The following TMEM132D variants were observed in gnomAD, a reference collection of about 807,000 sequenced individuals.
TMEM132D encodes mature OL transmembrane protein.
A neutral mutation model predicts 62.3 loss-of-function variants in TMEM132D; 21 were observed. That is an observed-to-expected ratio of 0.34 (90% CI 0.24 to 0.49). The LOEUF is 0.49. TMEM132D is among the 20% of genes least tolerant of loss of function. TMEM132D has a pLI of 0.99. For missense variants in TMEM132D, 1,346 were observed against 1,402.8 expected, an observed-to-expected ratio of 0.96 and a Z score of 0.65; for synonymous variants, 621 against 575.6, an observed-to-expected ratio of 1.08 and a Z score of -1.13.
At chr12:129,518,108 A>G (rs1875736267) in intron 3 of TMEM132D, among the ~76,000 whole-genome samples, 1 of 152,226 alleles carries the variant, frequency 6.6e-6, no homozygotes, top group South Asian at 2.1e-4. Context: ...AGGAGGATAA[A>G]CAATTTCATT....
chr12:129,450,750 CTTTTTTTTTT>C (rs869041495), intron 3 of TMEM132D, among the ~76,000 whole-genome samples: 7 of 102,590 alleles, frequency 6.8e-5, no homozygotes, highest in African/African-American at 2.7e-4. Flanking sequence ...TCCATCGCTT[CTTTTTTTTTT>C]TTTTTTTTTT....
chr12:129,376,847 G>A (rs1870795293), intron 3 of TMEM132D, among the ~76,000 whole-genome samples: 1 of 152,200 alleles, frequency 6.6e-6, no homozygotes, highest in South Asian at 2.1e-4. Context: ...CAGAACTTAA[G>A]TTCAACCAGT....
intron 2 of TMEM132D, among the ~76,000 whole-genome samples, chr12:129,544,748 C>T (rs1030827991): frequency 7.9e-5 from 12 of 152,152 alleles, no homozygotes; most frequent in Non-Finnish European, 1.8e-4. Context: ...AAAATAAAAA[C>T]TCACAGAAGA....
At chr12:129,102,291 A>C (rs1381336701) in intron 5 of TMEM132D, among the ~76,000 whole-genome samples, 1 of 152,138 alleles carries the variant, frequency 6.6e-6, no homozygotes, top group African/African-American at 2.4e-5. Flanking sequence ...CTTACCTTTA[A>C]TCACACACAT....
intron 4 of TMEM132D, among the ~76,000 whole-genome samples, chr12:129,288,625 G>T (rs570550621): frequency 6.6e-6 from 1 of 152,320 alleles, no homozygotes; most frequent in South Asian, 2.1e-4. Flanking sequence ...AGCATGTGGA[G>T]AAATTTGATC....
At chr12:129,704,083 G>T (rs1033619336) in intron 1 of TMEM132D, among the ~76,000 whole-genome samples, 3 of 152,168 alleles carry the variant, frequency 2.0e-5, no homozygotes, top group African/African-American at 7.2e-5. Context: ...ATTATGTTTT[G>T]ATTTCCAATA....
intron 4 of TMEM132D, among the ~76,000 whole-genome samples, chr12:129,230,314 G>GC (rs386378223): frequency 4.0e-5 from 6 of 149,560 alleles, no homozygotes; most frequent in African/African-American, 1.5e-4. Flanking sequence ...TGGAGGGGGG[G>GC]GGCTCCCCAG....
At chr12:129,246,012 G>A (rs921388956) in intron 4 of TMEM132D, among the ~76,000 whole-genome samples, 2 of 152,250 alleles carry the variant, frequency 1.3e-5, no homozygotes, top group Non-Finnish European at 2.9e-5. Context: ...ACTAGAAGAC[G>A]TAGTTGCGTG....
intron 1 of TMEM132D, among the ~76,000 whole-genome samples, chr12:129,778,623 A>G (rs1871024952): frequency 6.6e-6 from 1 of 152,222 alleles, no homozygotes; most frequent in Non-Finnish European, 1.5e-5. Flanking sequence ...ATTTTAGACA[A>G]TCTGATACTT....
chr12:129,690,749 G>C (rs1280418540), intron 2 of TMEM132D, among the ~76,000 whole-genome samples: 1 of 152,074 alleles, frequency 6.6e-6, no homozygotes, highest in Non-Finnish European at 1.5e-5. Flanking sequence ...TATTATAGTT[G>C]GGAACTTAGC....
chr12:129,673,562 TTCTCCTAG>T (rs1352129817), intron 2 of TMEM132D, among the ~76,000 whole-genome samples: 12 of 152,184 alleles, frequency 7.9e-5, no homozygotes, highest in Admixed American at 5.9e-4. Flanking sequence ...CTAGCCCCCA[TTCTCCTAG>T]TCTTCTCGTG....
At chr12:129,476,186 T>C (rs1320783458) in intron 3 of TMEM132D, among the ~76,000 whole-genome samples, 1 of 152,180 alleles carries the variant, frequency 6.6e-6, no homozygotes. Context: ...CTCCGCCATG[T>C]TAATAAAATA....
intron 4 of TMEM132D, among the ~76,000 whole-genome samples, chr12:129,228,814 C>T: frequency 6.6e-6 from 1 of 152,200 alleles, no homozygotes; most frequent in South Asian, 2.1e-4. Context: ...CCAAGGACCG[C>T]ATCCCGCCCA....
intron 7 of TMEM132D, among the ~76,000 whole-genome samples, chr12:129,080,688 A>C (rs959696719): frequency 6.6e-6 from 1 of 152,164 alleles, no homozygotes; most frequent in African/African-American, 2.4e-5. Flanking sequence ...CTTTGGCTAC[A>C]ATGTACACTA....
intron 5 of TMEM132D, among the ~76,000 whole-genome samples, chr12:129,123,813 A>G (rs1363110560): frequency 6.6e-6 from 1 of 152,054 alleles, no homozygotes; most frequent in Non-Finnish European, 1.5e-5. Flanking sequence ...CTCTCCTTTT[A>G]CTGGGAAATC....
intron 1 of TMEM132D, among the ~76,000 whole-genome samples, chr12:129,817,245 C>T (rs1051548369): frequency 1.3e-5 from 2 of 152,198 alleles, no homozygotes; most frequent in East Asian, 1.9e-4. Flanking sequence ...GCCTGCTCAG[C>T]GTCAGACACA....
chr12:129,098,998 G>A (rs1191831080), intron 5 of TMEM132D, among the ~76,000 whole-genome samples: 1 of 152,146 alleles, frequency 6.6e-6, no homozygotes, highest in African/African-American at 2.4e-5. Flanking sequence ...GGCCTCTGGT[G>A]CCTTCTCTGA....
chr12:129,840,113 AG>A (rs769974703), intron 1 of TMEM132D: 1 of 152,252 alleles, frequency 6.6e-6, no homozygotes, highest in South Asian at 2.1e-4. Context: ...TTAAGTGTTT[AG>A]GATACAATGT....
chr12:129,175,948 T>C (rs1173131165), intron 5 of TMEM132D, among the ~76,000 whole-genome samples: 1 of 152,216 alleles, frequency 6.6e-6, no homozygotes, highest in East Asian at 1.9e-4. Flanking sequence ...TACCCTTGCA[T>C]ACTTCTTACT....
Sources: allele counts gnomAD v4.1 joint callset (sites outside exome capture counted in the v4.1 genomes callset), GRCh38; gene constraint gnomAD v4.1.1; transcripts MANE v1.5; gene names NCBI Gene and HGNC (gene_info 2026-07-23, HGNC 2026-07-21).